Variants in LRRC15 observed in about 807,000 individuals in gnomAD.
The protein encoded by LRRC15 is leucine rich repeat containing 15.
A neutral mutation model predicts 4.3 loss-of-function variants in LRRC15; 5 were observed. The observed-to-expected ratio is 1.16, with a 90% CI of 0.61 to 2.44. The LOEUF (loss-of-function observed/expected upper bound fraction) is 2.44. Ranked by LOEUF, LRRC15 falls within the 30% of genes most tolerant of loss-of-function variation. The pLI, the probability that LRRC15 is intolerant of heterozygous loss-of-function variation, is 0.01. For missense variants in LRRC15, 769 were observed against 747.0 expected (o/e 1.03, Z -0.34); for synonymous variants, 337 against 323.2 (o/e 1.04, Z -0.46).
chr3:194,359,567 T>C lies in LRRC15; in HGVS notation c.1477A>G (p.Thr493Ala). 1 of 1,614,048 alleles carries C rather than the reference T, an allele frequency of 6.2e-7. No individual in the cohort carries two copies. The highest frequency in any genetic ancestry group is 8.5e-7 in the Non-Finnish European group (1 of 1,179,964). Residue 493 changes from threonine to alanine, a missense_variant, in exon 2 of 2, where the codon ACA becomes GCA. Physicochemically the swap from Thr to Ala is moderately conservative, Grantham distance 58 (BLOSUM62 0). Transcript: ENST00000347624. Reference sequence around the variant, plus strand: ...GATGTGGTGTCAGGGTAACTGGGTGTGTCTGGGTACCATGGTGTTTCTGGG... The same window carrying C: ...GATGTGGTGTCAGGGTAACTGGGTGCGTCTGGGTACCATGGTGTTTCTGGG... ...SYPETPWYPD[T>A]PSYPDTTSVS...
intron 1 of LRRC15, among the ~76,000 whole-genome samples, chr3:194,367,538 C>T (rs1713815742): frequency 1.3e-5 from 2 of 152,140 alleles, no homozygotes; most frequent in African/African-American, 4.8e-5. Context: ...GATCTCCTGA[C>T]CTCATGATCC....
intron 1 of LRRC15, among the ~76,000 whole-genome samples, chr3:194,362,445 G>A (rs1372760925): frequency 2.0e-5 from 3 of 152,110 alleles, no homozygotes; most frequent in Non-Finnish European, 2.9e-5. Context: ...AGTGCTTCTG[G>A]TCTTGGCATT....
Position 194,359,816 on chromosome 3 carries a change from C to T in LRRC15, c.1228G>A (p.Asp410Asn), listed in dbSNP as rs150995251. Residue 410 changes from aspartate (D) to asparagine (N), a missense_variant, in exon 2 of 2, where the codon GAT becomes AAT. Physicochemically the swap from Asp to Asn is conservative, Grantham distance 23. Transcript: ENST00000347624. Reference sequence around the variant, plus strand: ...AGCTCACACAGTTTCCCCAGGTGATCGAAGATGCCGAGGGGCAAGTTCTCC... The same window carrying T: ...AGCTCACACAGTTTCCCCAGGTGATTGAAGATGCCGAGGGGCAAGTTCTCC... Reference protein sequence around the residue: ...QLENLPLGIFDHLGKLCELRL... With the variant: ...QLENLPLGIFNHLGKLCELRL... The T allele has an allele frequency of 1.6e-4, 256 of 1,614,010 alleles. 2 individuals are homozygous for T. The highest frequency in any genetic ancestry group is 2.2e-4 in the Admixed American group (13 of 60,012).
chr3:194,360,338 G>C lies in LRRC15; in HGVS notation c.706C>G (p.Leu236Val). Residue 236 changes from leucine to valine, a missense_variant, in exon 2 of 2, where the codon CTC becomes GTC. Transcript: ENST00000347624. The stretch of plus-strand genomic sequence containing the variant: ...TTGTTGTGGAAGAGACCAGGGGAGA[G>C]CAGTCCAATCTGGTTCTGCTGCAGA... ...LALQQNQIGL[L>V]SPGLFHNNHN... is the part of the protein sequence containing the mutation. The C allele has an allele frequency of 6.2e-7, 1 of 1,614,134 alleles. No individual in the cohort carries two copies. The highest frequency in any genetic ancestry group is 8.5e-7 in the Non-Finnish European group (1 of 1,180,008).
chr3:194,363,583 T>C (rs1713697460), intron 1 of LRRC15, among the ~76,000 whole-genome samples: 1 of 152,154 alleles, frequency 6.6e-6, no homozygotes, highest in Non-Finnish European at 1.5e-5. Context: ...CCACAAAAGC[T>C]AGTGTGGTCT....
rs4974533 is a variant in LRRC15 at position 194,359,607 on chromosome 3, G to A, written c.1437C>T (p.Pro479=). Residue 479 remains proline, a synonymous_variant, in exon 2 of 2, where the codon CCC becomes CCT. Transcript: ENST00000347624. The stretch of plus-strand genomic sequence containing the variant: ...GTGTTTCTGGGTAACTAGGCACCTC[G>A]GGGACATGGACGCTTGGAACAGCAA... The part of the protein sequence containing the change: ...VNVAVPSVHV[P]EVPSYPETPW... 0.24 allele frequency: 386,915 copies of A among 1,613,056 alleles called. 48,927 individuals are homozygous for A. Among genetic ancestry groups the A allele is most frequent in the Non-Finnish European group, 0.26 (311,853 of 1,179,412 alleles).
intron 1 of LRRC15, chr3:194,363,218 C>T: frequency 2.1e-6 from 1 of 479,734 alleles, no homozygotes; most frequent in East Asian, 3.8e-5. Flanking sequence ...GGATTACAGG[C>T]ATGAGCCACC....
Position 194,359,449 on chromosome 3 carries a change from A to T in LRRC15, c.1595T>A (p.Met532Lys), listed in dbSNP as rs1476257526. ...GGCCAGCCCGCTCTGGGCCTGGGTC[A>T]TGCCCCAAACGCTGCGGTCATCAGT... ...QVTDDRSVWGMTQAQSGLAIA... is the reference protein window; with the variant it reads ...QVTDDRSVWGKTQAQSGLAIA... Residue 532 changes from methionine to lysine, a missense_variant, in exon 2 of 2, where the codon ATG becomes AAG. By Grantham distance (95) the Met-to-Lys change is moderately conservative. Coordinates refer to ENST00000347624, the MANE Select transcript of LRRC15 (RefSeq NM_130830.5). 23 of 1,614,118 alleles carry T rather than the reference A, an allele frequency of 1.4e-5. No individual in the cohort carries two copies. The highest frequency in any genetic ancestry group is 1.9e-5 in the Non-Finnish European group (22 of 1,180,048).
rs1267484569 is a variant in LRRC15 at position 194,359,612 on chromosome 3, C to A, written c.1432G>T (p.Val478Phe). 6.2e-7 allele frequency: 1 copy of A among 1,613,722 alleles called. No individual in the cohort carries two copies. Among genetic ancestry groups the A allele is most frequent in the Admixed American group, 1.7e-5 (1 of 59,916 alleles). ...TCTGGGTAACTAGGCACCTCGGGGACATGGACGCTTGGAACAGCAACGTTG... is the reference window on the plus strand; with the variant it reads ...TCTGGGTAACTAGGCACCTCGGGGAAATGGACGCTTGGAACAGCAACGTTG... ...NVNVAVPSVH[V>F]PEVPSYPETP... The change falls in exon 2 of 2, where the codon GTC becomes TTC. Residue 478 changes from valine (V) to phenylalanine (F), a missense_variant. Transcript: ENST00000347624.
chr3:194,363,244 C>A, intron 1 of LRRC15: 2 of 555,894 alleles, frequency 3.6e-6, no homozygotes, highest in Middle Eastern at 2.7e-4. Context: ...CGGCCAAGAC[C>A]TTGATTTTTT....
rs1713592951 is a variant in LRRC15 at position 194,360,609 on chromosome 3, G to T, written c.435C>A (p.Phe145Leu). Residue 145 changes from phenylalanine to leucine, a missense_variant, in exon 2 of 2, where the codon TTC (phenylalanine) becomes TTA (leucine). Coordinates refer to ENST00000347624, the MANE Select transcript of LRRC15 (RefSeq NM_130830.5). ...NQLLQIQPAH[F>L]SQCSNLKELQ... ...GCTCCTTGAGGTTGCTGCACTGGGA[G>T]AAGTGGGCCGGCTGGATCTGCAACA... 1.9e-6 allele frequency: 3 copies of T among 1,614,220 alleles called. No individual in the cohort carries two copies. The East Asian group carries it at 6.7e-5, about 36-fold the overall frequency.
At position 194,356,081 on chromosome 3, in the gene LRRC15, A is replaced by G. The variant is rs1478432221; in HGVS notation, c.*3217T>C. On this transcript the variant is annotated 3_prime_UTR_variant, in exon 2 of 2. Transcript: ENST00000347624. ...CAAGACAAGCCATGAGCTCTTGTAC[A>G]AAGTTTGAAGAGATAAATAAAACTC... 6.6e-6 allele frequency: 1 copy of G among 152,206 alleles called. No homozygotes were observed. Among genetic ancestry groups the G allele is most frequent in the Non-Finnish European group, 1.5e-5 (1 of 68,046 alleles). 9.4% of individuals were successfully genotyped at this position (152,206 alleles called of 1,614,324 possible).
At chr3:194,362,725 C>G (rs1007904371) in intron 1 of LRRC15, among the ~76,000 whole-genome samples, 3 of 152,094 alleles carry the variant, frequency 2.0e-5, no homozygotes, top group Non-Finnish European at 2.9e-5. Flanking sequence ...CAAATGATGG[C>G]ACAGAAGCCA....
rs1412329603 is a variant in LRRC15 at position 194,357,600 on chromosome 3, C to T, written c.*1698G>A. On this transcript the variant is annotated 3_prime_UTR_variant, in exon 2 of 2. Coordinates refer to ENST00000347624, the MANE Select transcript of LRRC15 (RefSeq NM_130830.5). ...AAGGCAGGTATTCGTGTGACTGTGA[C>T]TCGAGGAGGAGAATAACCCTGGAGC... The T allele has an allele frequency of 6.6e-6, 1 of 152,200 alleles. No homozygotes were observed. The highest frequency in any genetic ancestry group is 1.5e-5 in the Non-Finnish European group (1 of 68,040). 9.4% of individuals were successfully genotyped at this position (152,200 alleles called of 1,614,324 possible).
At chr3:194,368,165 A>G (rs1713833817) in intron 1 of LRRC15, among the ~76,000 whole-genome samples, 1 of 152,294 alleles carries the variant, frequency 6.6e-6, no homozygotes, top group South Asian at 2.1e-4. Flanking sequence ...CAGGCCATAA[A>G]TCTGAAGCAG....
In LRRC15 at chr3:194,357,796, C is replaced by T. The variant is rs1269184349; in HGVS notation, c.*1502G>A. 6.6e-6 allele frequency: 1 copy of T among 152,220 alleles called. No homozygotes were observed. The highest frequency in any genetic ancestry group is 2.4e-5 in the African/African-American group (1 of 41,450). 9.4% of individuals were successfully genotyped at this position (152,220 alleles called of 1,614,324 possible). On this transcript the variant is annotated 3_prime_UTR_variant, in exon 2 of 2. Transcript: ENST00000347624. ...AGAATTTTACCACATTAGAAAGACA[C>T]TAGATTCCGTTACACTTCGTTTTCA...
In LRRC15 at chr3:194,359,620, C is replaced by T; in HGVS notation, c.1424G>A (p.Ser475Asn). 6.2e-7 allele frequency: 1 copy of T among 1,613,862 alleles called. No homozygotes were observed. The highest frequency in any genetic ancestry group is 2.2e-5 in the East Asian group (1 of 44,878). Reference protein sequence around the residue: ...IIINVNVAVPSVHVPEVPSYP... With the variant: ...IIINVNVAVPNVHVPEVPSYP... ...ACTAGGCACCTCGGGGACATGGACG[C>T]TTGGAACAGCAACGTTGACATTGAT... Residue 475 changes from serine (S) to asparagine (N), a missense_variant, in exon 2 of 2, where the codon AGC becomes AAC. Ser to Asn is a conservative substitution (Grantham distance 46). Transcript: ENST00000347624.
Position 194,359,069 on chromosome 3 carries a change from G to C in LRRC15, c.*229C>G, listed in dbSNP as rs1354293351. On this transcript the variant is annotated 3_prime_UTR_variant, in exon 2 of 2. Transcript: ENST00000347624. ...GGGGTATGAATCGGAAATCCCCAGG[G>C]CTTTTGCCATGGCCAGTTGGATCTA... 2.2e-6 allele frequency: 1 copy of C among 450,758 alleles called. No homozygotes were observed. Among genetic ancestry groups the C allele is most frequent in the African/African-American group, 2.0e-5 (1 of 51,000 alleles). The allele number at this position is 450,758 out of a possible 1,614,324, so 27.9% of individuals were successfully genotyped here. A position where few individuals can be genotyped will look rare whatever the true frequency, so the allele number is the denominator to read the frequency against.
intron 1 of LRRC15, among the ~76,000 whole-genome samples, chr3:194,368,395 A>T (rs1232058781): frequency 1.3e-5 from 2 of 152,090 alleles, no homozygotes; most frequent in Non-Finnish European, 2.9e-5. Context: ...CTGTCTGTCG[A>T]ATCTATCCAG....
Sources: allele counts gnomAD v4.1 joint callset (sites outside exome capture counted in the v4.1 genomes callset), GRCh38; gene constraint gnomAD v4.1.1; transcripts MANE v1.5; gene names NCBI Gene and HGNC (gene_info 2026-07-23, HGNC 2026-07-21).